DPP10: variants seen among roughly 807,000 people sequenced by gnomAD.
DPP10 encodes inactive dipeptidyl peptidase 10.
Under a neutral mutation model 120.9 loss-of-function variants are expected in DPP10, and 33 were observed. The observed-to-expected ratio is 0.27, with a 90% CI of 0.21 to 0.37. The LOEUF (loss-of-function observed/expected upper bound fraction) is 0.37. Among genes scored for constraint, DPP10 ranks in the 10% least tolerant of loss-of-function variants. The pLI, the probability that DPP10 is intolerant of heterozygous loss-of-function variation, is 1.00. For missense variants in DPP10, 816 were observed against 942.8 expected (o/e 0.87, Z 1.76); for synonymous variants, 337 against 326.1 (o/e 1.03, Z -0.36).
At chr2:114,687,806 A>T (rs1177848877) in intron 1 of DPP10, among the ~76,000 whole-genome samples, 2 of 151,976 alleles carry the variant, frequency 1.3e-5, no homozygotes, top group Non-Finnish European at 2.9e-5. Context: ...TTTTCACGGC[A>T]TAGACTCGAG....
intron 1 of DPP10, among the ~76,000 whole-genome samples, chr2:115,208,295 G>A (rs2056295185): frequency 6.6e-6 from 1 of 151,478 alleles, no homozygotes; most frequent in South Asian, 2.1e-4. Context: ...TGCCTCCTGG[G>A]TTTAAGCGAT....
At chr2:115,024,347 G>A (rs1053709646) in intron 1 of DPP10, among the ~76,000 whole-genome samples, 1 of 151,832 alleles carries the variant, frequency 6.6e-6, no homozygotes, top group African/African-American at 2.4e-5. Context: ...CTTTCTATTT[G>A]TCCCATTCTT....
At chr2:115,774,909 C>A (rs1455314294) in intron 13 of DPP10, among the ~76,000 whole-genome samples, 2 of 151,944 alleles carry the variant, frequency 1.3e-5, no homozygotes, top group African/African-American at 4.8e-5. Context: ...TTTATTTTTA[C>A]CAAAAATGCA....
At chr2:114,576,548 C>T (rs1276130404) in intron 1 of DPP10, among the ~76,000 whole-genome samples, 1 of 152,168 alleles carries the variant, frequency 6.6e-6, no homozygotes, top group East Asian at 1.9e-4. Flanking sequence ...GGTTTTCTTA[C>T]AGGGGGACAA....
At chr2:115,172,036 T>TTC (rs2053385863) in intron 1 of DPP10, among the ~76,000 whole-genome samples, 1 of 151,092 alleles carries the variant, frequency 6.6e-6, no homozygotes, top group Non-Finnish European at 1.5e-5. Context: ...TCAGCATGAA[T>TTC]AAGCAACTGC....
chr2:114,708,896 C>A (rs142811568), intron 1 of DPP10, among the ~76,000 whole-genome samples: 2 of 152,106 alleles, frequency 1.3e-5, no homozygotes, highest in Non-Finnish European at 2.9e-5. Flanking sequence ...GCTGGGACTA[C>A]AGGCACACTC....
At chr2:115,468,626 T>A (rs2074483393) in intron 3 of DPP10, 1 of 383,212 alleles carries the variant, frequency 2.6e-6, no homozygotes, top group African/African-American at 2.1e-5. Context: ...CCCATGAACA[T>A]CCATGGGAGG....
intron 5 of DPP10, among the ~76,000 whole-genome samples, chr2:115,559,375 C>T (rs191017406): frequency 6.6e-6 from 1 of 152,112 alleles, no homozygotes; most frequent in Admixed American, 6.5e-5. Flanking sequence ...TGTCAATATC[C>T]CTGTAATTGT....
At chr2:114,664,582 T>C (rs1697750531) in intron 1 of DPP10, among the ~76,000 whole-genome samples, 1 of 147,894 alleles carries the variant, frequency 6.8e-6, no homozygotes, top group African/African-American at 2.5e-5. Flanking sequence ...TGAGCCGAGA[T>C]TGTGGCACTA....
chr2:115,751,035 A>G (rs1461207967), intron 10 of DPP10, among the ~76,000 whole-genome samples: 1 of 152,180 alleles, frequency 6.6e-6, no homozygotes, highest in Non-Finnish European at 1.5e-5. Context: ...AAGCAACTAT[A>G]TATCAGTTCA....
intron 2 of DPP10, among the ~76,000 whole-genome samples, chr2:115,322,456 C>A (rs1373931687): frequency 1.3e-5 from 2 of 152,042 alleles, no homozygotes; most frequent in East Asian, 3.9e-4. Flanking sequence ...GGTAAAATAC[C>A]TTTTCAGGTT....
chr2:114,776,014 T>C (rs1681700216), intron 1 of DPP10, among the ~76,000 whole-genome samples: 2 of 152,134 alleles, frequency 1.3e-5, no homozygotes, highest in Admixed American at 1.3e-4. Context: ...TGGATGCAGA[T>C]AGCAGGAGTT....
intron 1 of DPP10, among the ~76,000 whole-genome samples, chr2:114,874,260 G>A (rs572135136): frequency 1.3e-5 from 2 of 152,214 alleles, no homozygotes; most frequent in Admixed American, 6.6e-5. Flanking sequence ...CAAGTGAATC[G>A]ACTTTGTCTG....
chr2:115,555,687 T>C (rs2080165413), intron 5 of DPP10, among the ~76,000 whole-genome samples: 2 of 152,206 alleles, frequency 1.3e-5, no homozygotes, highest in African/African-American at 2.4e-5. Context: ...TTTTCCAAAG[T>C]GGTATATTTT....
chr2:114,926,936 T>C (rs1039895502), intron 1 of DPP10, among the ~76,000 whole-genome samples: 13 of 150,750 alleles, frequency 8.6e-5, no homozygotes, highest in African/African-American at 2.9e-4. Flanking sequence ...CTGCAAGCTC[T>C]GCCTCCCAGG....
chr2:115,342,172 A>G, intron 2 of DPP10: 1 of 454,704 alleles, frequency 2.2e-6, no homozygotes, highest in Non-Finnish European at 4.4e-6. Context: ...CCTTATACTG[A>G]CATCTATTAT....
At chr2:114,444,151 C>A (rs1046667596) in intron 1 of DPP10, among the ~76,000 whole-genome samples, 5 of 152,068 alleles carry the variant, frequency 3.3e-5, no homozygotes, top group Non-Finnish European at 7.4e-5. Context: ...ATATGAGAAT[C>A]TTTTTCAGCA....
At chr2:115,497,661 A>AT (rs2076472364) in intron 3 of DPP10, among the ~76,000 whole-genome samples, 1 of 142,382 alleles carries the variant, frequency 7.0e-6, no homozygotes, top group Non-Finnish European at 1.5e-5. Flanking sequence ...AGATGAGAAT[A>AT]TTTTAAAAAA....
chr2:115,198,098 A>G (rs2055419367), intron 1 of DPP10, among the ~76,000 whole-genome samples: 1 of 152,222 alleles, frequency 6.6e-6, no homozygotes, highest in Non-Finnish European at 1.5e-5. Flanking sequence ...ACAACTTAGT[A>G]ATCATATTAA....
Sources: allele counts gnomAD v4.1 joint callset (sites outside exome capture counted in the v4.1 genomes callset), GRCh38; gene constraint gnomAD v4.1.1; transcripts MANE v1.5; gene names NCBI Gene and HGNC (gene_info 2026-07-23, HGNC 2026-07-21).